Variants in EMC3 observed in about 807,000 individuals in gnomAD.
EMC3 encodes ER membrane protein complex subunit 3.
EMC3 carries 13 observed loss-of-function variants against 36.6 expected under a neutral mutation model. The observed-to-expected ratio is 0.35, with a 90% CI of 0.23 to 0.56. The LOEUF (loss-of-function observed/expected upper bound fraction) is 0.56. EMC3 is among the 20% of genes least tolerant of loss of function. The pLI is 0.84. For synonymous variants in EMC3, 120 were observed against 111.9 expected, an observed-to-expected ratio of 1.07 and a Z score of -0.46; for missense variants, 220 against 324.5, an observed-to-expected ratio of 0.68 and a Z score of 2.47.
rs1286558787 is a variant in EMC3 at position 9,976,874 on chromosome 3, G to T, written c.307+83C>A. The T allele has an allele frequency of 7.7e-6, 7 of 913,548 alleles. No homozygotes were observed. The East Asian group carries it at 1.7e-4, about 22-fold the overall frequency. 56.6% of individuals were successfully genotyped at this position (913,548 alleles called of 1,614,324 possible). ...TTGCAATTTAACATTTAAATAAAAT[G>T]ACACCCTCCCTGCCTACCCCACCCC... On this transcript the variant is annotated intron_variant, in intron 3 of 7. Transcript: ENST00000245046.
chr3:9,971,188 G>A (rs1313931322), intron 5 of EMC3, among the ~76,000 whole-genome samples: 1 of 152,140 alleles, frequency 6.6e-6, no homozygotes, highest in African/African-American at 2.4e-5. Context: ...CTCCCAAAGT[G>A]CTGGGATTAC....
At chr3:9,973,835 A>G in intron 4 of EMC3, 126 bp from the exon 5 acceptor site, 1 of 815,210 alleles carries the variant, frequency 1.2e-6, no homozygotes, top group Non-Finnish European at 2.1e-6. Flanking sequence ...CCACAAGGAA[A>G]TCTGTGGCAA....
chr3:9,976,865 A>T, intron 3 of EMC3, 92 bp downstream of exon 3: 1 of 846,402 alleles, frequency 1.2e-6, no homozygotes, highest in Non-Finnish European at 1.9e-6. Context: ...TTTAACATTT[A>T]AATAAAATGA....
chr3:9,973,650 G>A lies in EMC3; in HGVS notation c.472C>T (p.Leu158=), dbSNP rs1006212089. Reference sequence around the variant, plus strand: ...TACCAGGATGCATCTAATGTGAGTAGCTCGATTCCTTGCTGTAACATAGGC... The same window carrying A: ...TACCAGGATGCATCTAATGTGAGTAACTCGATTCCTTGCTGTAACATAGGC... ...FKPMLQQGIE[L]LTLDASWVSS... Residue 158 remains leucine (L), a synonymous_variant, in exon 5 of 8, where the codon CTA becomes TTA. Transcript: ENST00000245046. 9 of 1,614,126 alleles carry A rather than the reference G, an allele frequency of 5.6e-6. No individual in the cohort carries two copies. Among genetic ancestry groups the A allele is most frequent in the Non-Finnish European group, 6.8e-6 (8 of 1,180,006 alleles).
In EMC3 at chr3:9,963,211, T is replaced by C. The variant is rs2085703953; in HGVS notation, c.*858A>G. The C allele has an allele frequency of 6.6e-6, 1 of 152,140 alleles. No individual in the cohort carries two copies. The highest frequency in any genetic ancestry group is 2.4e-5 in the African/African-American group (1 of 41,440). The allele number at this position is 152,140 out of a possible 1,614,324, so 9.4% of individuals were successfully genotyped here. On this transcript the variant is annotated 3_prime_UTR_variant, in exon 8 of 8. Coordinates refer to ENST00000245046, the MANE Select transcript of EMC3 (RefSeq NM_001394674.1). Reference sequence around the variant, plus strand: ...TTGACATATTTGGTCTCTATGTCTATGTAGGCTCAAAATGAACAGGGAGAT... The same window carrying C: ...TTGACATATTTGGTCTCTATGTCTACGTAGGCTCAAAATGAACAGGGAGAT...
Position 9,986,799 on chromosome 3 carries a change from G to C in EMC3, c.-138C>G. ...CCCCAGAACTCTCCTGCGACTGTGA[G>C]CCGAGCTTACTGCCTTCAGCTGGGC... On this transcript the variant is annotated 5_prime_UTR_variant, in exon 1 of 8. Coordinates refer to ENST00000245046, the MANE Select transcript of EMC3 (RefSeq NM_001394674.1). 6.9e-7 allele frequency: 1 copy of C among 1,458,444 alleles called. No individual in the cohort carries two copies. Among genetic ancestry groups the C allele is most frequent in the Non-Finnish European group, 9.1e-7 (1 of 1,104,366 alleles). 90.3% of individuals were successfully genotyped at this position (1,458,444 alleles called of 1,614,324 possible). A position where few individuals can be genotyped will look rare whatever the true frequency, so the allele number is the denominator to read the frequency against.
chr3:9,968,768 C>T (rs1368265159), intron 7 of EMC3: 1 of 152,162 alleles, frequency 6.6e-6, no homozygotes, highest in Admixed American at 6.5e-5. Flanking sequence ...CCTCAGCCTC[C>T]TGGGTGGCTG....
In EMC3 at chr3:9,963,934, G is replaced by C; in HGVS notation, c.*135C>G. 6.9e-7 allele frequency: 1 copy of C among 1,457,592 alleles called. No individual in the cohort carries two copies. Among genetic ancestry groups the C allele is most frequent in the East Asian group, 2.3e-5 (1 of 43,580 alleles). The allele number at this position is 1,457,592 out of a possible 1,614,324, so 90.3% of individuals were successfully genotyped here. ...CAAACATAAAGGGGAACCCAGCCCA[G>C]ACAAGAACAAGCCTTGCTGCATGCC... is the stretch of plus-strand genomic sequence containing the variant. On this transcript the variant is annotated 3_prime_UTR_variant, in exon 8 of 8. Transcript: ENST00000245046.
At chr3:9,982,603 TATGCCTATACCCAGTGGCTC>T (rs2085923389) in intron 1 of EMC3, among the ~76,000 whole-genome samples, 1 of 152,000 alleles carries the variant, frequency 6.6e-6, no homozygotes, top group Admixed American at 6.6e-5. Context: ...TATCGCTGGG[TATGCCTATACCCAGTGGCTC>T]ATGCCTATAA....
At chr3:9,994,656 C>T (rs2086101323) in intron 1 of EMC3, among the ~76,000 whole-genome samples, 2 of 152,012 alleles carry the variant, frequency 1.3e-5, no homozygotes, top group South Asian at 2.1e-4. Flanking sequence ...CTGCAACCTT[C>T]GCCTCCCGGA....
intron 1 of EMC3, 38 bp from the exon 2 acceptor site, chr3:9,977,484 T>C: frequency 6.3e-7 from 1 of 1,587,794 alleles, no homozygotes; most frequent in African/African-American, 1.4e-5. Context: ...TTTTAAAAAG[T>C]GAAACACTAG....
intron 1 of EMC3, among the ~76,000 whole-genome samples, chr3:9,992,235 C>T (rs1575692741): frequency 6.6e-6 from 1 of 152,176 alleles, no homozygotes; most frequent in Non-Finnish European, 1.5e-5. Flanking sequence ...GTTGACCTGC[C>T]TCAGCCTCCT....
At chr3:10,010,927 C>G (rs1210302104) in intron 1 of EMC3, 1 of 152,396 alleles carries the variant, frequency 6.6e-6, no homozygotes, top group Non-Finnish European at 1.5e-5. Context: ...CGGCACTTAA[C>G]GAAGGACAAA....
intron 6 of EMC3, 94 bp from the exon 7 acceptor site, chr3:9,969,895 G>A: frequency 6.6e-7 from 1 of 1,522,428 alleles, no homozygotes; most frequent in Non-Finnish European, 8.8e-7. Context: ...TTAGAGAACT[G>A]GACTACAGCC....
At chr3:10,001,724 G>A (rs1035486997) in intron 1 of EMC3, among the ~76,000 whole-genome samples, 1 of 152,060 alleles carries the variant, frequency 6.6e-6, no homozygotes, top group Non-Finnish European at 1.5e-5. Context: ...AGGGCTGGGT[G>A]CTGTGGCTAA....
At chr3:9,999,586 A>G (rs1057453150) in intron 1 of EMC3, among the ~76,000 whole-genome samples, 4 of 151,978 alleles carry the variant, frequency 2.6e-5, no homozygotes, top group African/African-American at 7.2e-5. Flanking sequence ...GATTTTCTTA[A>G]TTATTTTGAG....
At chr3:9,982,279 T>C (rs917391343) in intron 1 of EMC3, among the ~76,000 whole-genome samples, 11 of 151,508 alleles carry the variant, frequency 7.3e-5, no homozygotes, top group Non-Finnish European at 1.5e-4. Context: ...TTTTGAGACA[T>C]AGTCTTGCTC....
At chr3:9,971,201 G>A (rs960591904) in intron 5 of EMC3, among the ~76,000 whole-genome samples, 7 of 152,098 alleles carry the variant, frequency 4.6e-5, no homozygotes, top group Non-Finnish European at 1.0e-4. Flanking sequence ...GGGATTACAG[G>A]CGTGAGCCAC....
At chr3:9,991,382 A>G (rs1169298577), upstream of EMC3, among the ~76,000 whole-genome samples, 1 of 152,160 alleles carries the variant, frequency 6.6e-6, no homozygotes, top group African/African-American at 2.4e-5. Flanking sequence ...CTCAGGGGTA[A>G]TCATCCTTCC....
Sources: gnomAD v4.1 joint callset for allele counts (sites outside exome capture counted in the v4.1 genomes callset) on GRCh38, gnomAD v4.1.1 for gene constraint, MANE v1.5 for transcripts, NCBI Gene and HGNC (gene_info 2026-07-23, HGNC 2026-07-21) for gene names.